BLNK: variants seen among roughly 807,000 people sequenced by gnomAD.
The protein encoded by BLNK is B-cell linker protein.
BLNK carries 29 observed loss-of-function variants against 73.5 expected under a neutral mutation model. That is an observed-to-expected ratio of 0.39 (90% CI 0.29 to 0.54). BLNK has a LOEUF of 0.54. BLNK is among the 20% of genes least tolerant of loss of function. The pLI, the probability that BLNK is intolerant of heterozygous loss-of-function variation, is 0.61. For synonymous variants in BLNK, 176 were observed against 200.8 expected, an observed-to-expected ratio of 0.88 and a Z score of 1.04; for missense variants, 460 against 562.8, an observed-to-expected ratio of 0.82 and a Z score of 1.85.
At chr10:96,269,276 A>G (rs1277232413) in intron 1 of BLNK, among the ~76,000 whole-genome samples, 1 of 152,012 alleles carries the variant, frequency 6.6e-6, no homozygotes, top group African/African-American at 2.4e-5. Context: ...CCCATCAACT[A>G]CTCTGTGATC....
chr10:96,194,096 G>C (rs1447864274), intron 16 of BLNK, among the ~76,000 whole-genome samples: 1 of 152,198 alleles, frequency 6.6e-6, no homozygotes, highest in Non-Finnish European at 1.5e-5. Context: ...ATCAGGCCAA[G>C]AGGAATTCCT....
intron 3 of BLNK, among the ~76,000 whole-genome samples, chr10:96,237,230 G>T (rs781938589): frequency 6.6e-6 from 1 of 152,220 alleles, no homozygotes; most frequent in Non-Finnish European, 1.5e-5. Flanking sequence ...CCAGGCCCAT[G>T]ACAAAAGCAA....
chr10:96,243,083 G>A (rs1842930384), intron 2 of BLNK, among the ~76,000 whole-genome samples: 1 of 152,164 alleles, frequency 6.6e-6, no homozygotes, highest in Admixed American at 6.5e-5. Context: ...ACTGAGTTCA[G>A]AGGTTCAAGG....
At chr10:96,251,561 A>G (rs1248722401) in intron 1 of BLNK, among the ~76,000 whole-genome samples, 2 of 152,230 alleles carry the variant, frequency 1.3e-5, no homozygotes, top group Admixed American at 6.5e-5. Flanking sequence ...CAATGTCCTA[A>G]TCTTCTAAAG....
intron 1 of BLNK, among the ~76,000 whole-genome samples, chr10:96,257,479 C>T (rs924907688): frequency 6.6e-6 from 1 of 152,228 alleles, no homozygotes; most frequent in Admixed American, 6.5e-5. Context: ...GGACCAACAA[C>T]TCTCAAAGAG....
At chr10:96,256,124 G>T (rs1843497020) in intron 1 of BLNK, among the ~76,000 whole-genome samples, 1 of 152,148 alleles carries the variant, frequency 6.6e-6, no homozygotes, top group African/African-American at 2.4e-5. Context: ...TTGAGGTCAG[G>T]AGTTCAAGTA....
chr10:96,217,575 T>G (rs782581182), intron 6 of BLNK, among the ~76,000 whole-genome samples: 1 of 152,250 alleles, frequency 6.6e-6, no homozygotes, highest in Admixed American at 6.5e-5. Flanking sequence ...TGAGTATCTT[T>G]TTATATACTT....
Position 96,189,698 on chromosome 10 carries a change from A to C in BLNK, c.*2275T>G, listed in dbSNP as rs7081376. The C allele has an allele frequency of 1.5e-6, 1 of 655,362 alleles. No individual in the cohort carries two copies. Among genetic ancestry groups the C allele is most frequent in the Non-Finnish European group, 2.8e-6 (1 of 351,532 alleles). The allele number at this position is 655,362 out of a possible 1,614,324, so 40.6% of individuals were successfully genotyped here. A position where few individuals can be genotyped will look rare whatever the true frequency, so the allele number is the denominator to read the frequency against. On this transcript the variant is annotated 3_prime_UTR_variant, in exon 17 of 17. Transcript: ENST00000224337. ...TTTTCTTCAGTTTCCTCATCATCAAAATCATCATCATCATCATCATCATCA... is the reference window on the plus strand; with the variant it reads ...TTTTCTTCAGTTTCCTCATCATCAACATCATCATCATCATCATCATCATCA...
chr10:96,207,160 G>T, intron 10 of BLNK, 107 bp from the exon 11 acceptor site: 2 of 988,206 alleles, frequency 2.0e-6, no homozygotes, highest in Non-Finnish European at 1.6e-6. Flanking sequence ...TTTCTTTGAT[G>T]CATTGCTATT....
Position 96,197,028 on chromosome 10 carries a change from A to G in BLNK, c.1131T>C (p.His377=), listed in dbSNP as rs371617732. The change falls in exon 16 of 17, where the codon CAT becomes CAC. Residue 377 remains histidine, a synonymous_variant. Coordinates refer to ENST00000224337, the MANE Select transcript of BLNK (RefSeq NM_013314.4). The part of the protein sequence containing the change: ...GSFLIRKSSG[H]DSKQPYTLVV... ...CTAGTGTATATGGTTGTTTGGAATC[A>G]TGGCCAGAGCTTTTCCGAATAAGAA... 1 of 1,613,210 alleles carries G rather than the reference A, an allele frequency of 6.2e-7. No individual in the cohort carries two copies. The highest frequency in any genetic ancestry group is 8.5e-7 in the Non-Finnish European group (1 of 1,179,600).
At chr10:96,264,565 C>T (rs1291762483) in intron 1 of BLNK, among the ~76,000 whole-genome samples, 1 of 151,774 alleles carries the variant, frequency 6.6e-6, no homozygotes, top group Admixed American at 6.6e-5. Flanking sequence ...CAGATTCAAT[C>T]GAAACCAATT....
At chr10:96,232,922 C>G (rs1287904760) in intron 3 of BLNK, among the ~76,000 whole-genome samples, 1 of 148,270 alleles carries the variant, frequency 6.7e-6, no homozygotes, top group African/African-American at 2.6e-5. Context: ...GCAAGCGATC[C>G]TGCTACCTCA....
intron 1 of BLNK, among the ~76,000 whole-genome samples, chr10:96,247,989 T>C (rs1843118232): frequency 6.6e-6 from 1 of 152,224 alleles, no homozygotes; most frequent in Non-Finnish European, 1.5e-5. Context: ...ATTGTTTCAT[T>C]CTTCTGTTAC....
chr10:96,269,039 T>C (rs555934248), intron 1 of BLNK, among the ~76,000 whole-genome samples: 1 of 152,294 alleles, frequency 6.6e-6, no homozygotes, highest in African/African-American at 2.4e-5. Context: ...TCTATCTAAT[T>C]ATGGAAAAGA....
Position 96,200,136 on chromosome 10 carries a change from G to A in BLNK, c.1034C>T (p.Pro345Leu). ...SEQEAGVLCK[P>L]WYAGACDRKS... ...TCGATCACAGGCTCCAGCATACCAT[G>A]GCTTGCAGAGAACGCCAGCTTCCTG... is the stretch of plus-strand genomic sequence containing the variant. The change falls in exon 15 of 17, where the codon CCA becomes CTA. Residue 345 changes from proline to leucine, a missense_variant. By Grantham distance (98) the Pro-to-Leu change is moderately conservative. This residue lies in a region of BLNK where 88 missense variants were observed against 143.4 expected (regional missense o/e 0.61). Transcript: ENST00000224337. The surrounding 1 kb of genome is among the most constrained non-coding windows in gnomAD (Gnocchi z 4.3). 1.2e-6 allele frequency: 2 copies of A among 1,614,126 alleles called. No individual in the cohort carries two copies. The highest frequency in any genetic ancestry group is 1.3e-5 in the African/African-American group (1 of 75,036).
Position 96,223,806 on chromosome 10 carries a change from T to A in BLNK, c.525+20A>T. On this transcript the variant is annotated intron_variant, in intron 6 of 16. Coordinates refer to ENST00000224337, the MANE Select transcript of BLNK (RefSeq NM_013314.4). ...CCCCCCTCTGTGTCCTGGGAAGCCT[T>A]TGGCACAGATTTACTTTACCTCATC... 1 of 1,613,180 alleles carries A rather than the reference T, an allele frequency of 6.2e-7. No homozygotes were observed. Among genetic ancestry groups the A allele is most frequent in the Non-Finnish European group, 8.5e-7 (1 of 1,179,866 alleles).
chr10:96,239,578 C>T (rs1842817250), intron 3 of BLNK, among the ~76,000 whole-genome samples: 1 of 152,102 alleles, frequency 6.6e-6, no homozygotes, highest in South Asian at 2.1e-4. Context: ...GAGCCTTCTA[C>T]CCTAGGACAA....
At chr10:96,245,959 AT>A (rs1162907002) in intron 2 of BLNK, among the ~76,000 whole-genome samples, 2 of 151,904 alleles carry the variant, frequency 1.3e-5, no homozygotes, top group Admixed American at 6.6e-5. Context: ...GGCCTCTTTG[AT>A]TTTTTTTCCC....
intron 2 of BLNK, among the ~76,000 whole-genome samples, chr10:96,244,001 A>G (rs923635308): frequency 2.0e-5 from 3 of 152,214 alleles, no homozygotes; most frequent in Non-Finnish European, 4.4e-5. Context: ...TGAAAAAAAA[A>G]GCATAGAAAT....
Sources: allele counts gnomAD v4.1 joint callset (sites outside exome capture counted in the v4.1 genomes callset), GRCh38; gene constraint gnomAD v4.1.1; regional missense constraint gnomAD v4.1.1; non-coding constraint Gnocchi (gnomAD v3.1); transcripts MANE v1.5; gene names NCBI Gene and HGNC (gene_info 2026-07-23, HGNC 2026-07-21).